CNDP2: variants seen among roughly 807,000 people sequenced by gnomAD.
CNDP2 encodes the protein cytosolic non-specific dipeptidase.
Under a neutral mutation model 55.0 loss-of-function variants are expected in CNDP2, and 38 were observed. That is an observed-to-expected ratio of 0.69 (90% confidence interval 0.53 to 0.90). The LOEUF (loss-of-function observed/expected upper bound fraction) is 0.90. Among genes scored for constraint, CNDP2 ranks in the 40% least tolerant of loss-of-function variants. CNDP2 has a pLI of 0.00. For missense variants in CNDP2, 607 were observed against 621.7 expected, an observed-to-expected ratio of 0.98 and a Z score of 0.25; for synonymous variants, 241 against 260.2, an observed-to-expected ratio of 0.93 and a Z score of 0.71.
intron 1 of CNDP2, among the ~76,000 whole-genome samples, chr18:74,497,201 C>G (rs1239979705): frequency 6.6e-6 from 1 of 152,182 alleles, no homozygotes; most frequent in Non-Finnish European, 1.5e-5. Context: ...AACCCGGGGC[C>G]TGCTACCAAT....
Position 74,521,017 on chromosome 18 carries a change from A to G in CNDP2, c.*949A>G, listed in dbSNP as rs890335. ...TCTCAAGACCTTCACCATTACTGGC[A>G]TTTTCCTGTCTTCTCTTTAGTATGA... On this transcript the variant is annotated 3_prime_UTR_variant, in exon 12 of 12. Coordinates refer to ENST00000324262, the MANE Select transcript of CNDP2 (RefSeq NM_018235.3). 145,211 of 152,198 alleles carry G rather than the reference A, an allele frequency of 0.95. 69,615 individuals carry two copies. Among genetic ancestry groups the G allele is most frequent in the South Asian group, 1 (4,824 of 4,826 alleles). 9.4% of individuals were successfully genotyped at this position (152,198 alleles called of 1,614,324 possible). A position where few individuals can be genotyped will look rare whatever the true frequency, so the allele number is the denominator to read the frequency against.
chr18:74,500,103 A>G, intron 2 of CNDP2, 70 bp downstream of exon 2: 1 of 1,307,042 alleles, frequency 7.7e-7, no homozygotes, highest in Admixed American at 1.8e-5. Context: ...GAAGTTGTCA[A>G]GAGCTAATAT....
chr18:74,513,100 C>T (rs1599068744), intron 7 of CNDP2, among the ~76,000 whole-genome samples: 1 of 152,242 alleles, frequency 6.6e-6, no homozygotes, highest in African/African-American at 2.4e-5. Flanking sequence ...AGTTTACCCC[C>T]CTCAGCTCAG....
intron 1 of CNDP2, 105 bp downstream of exon 1, chr18:74,496,536 G>T (rs1475784211): frequency 6.6e-6 from 1 of 152,372 alleles, no homozygotes; most frequent in African/African-American, 2.4e-5. Context: ...CCTCATTCGT[G>T]GGGGAGCGTG....
Position 74,520,027 on chromosome 18 carries a change from C to G in CNDP2, c.1387C>G (p.Leu463Val). 6.2e-7 allele frequency: 1 copy of G among 1,614,112 alleles called. No homozygotes were observed. Among genetic ancestry groups the G allele is most frequent in the South Asian group, 1.1e-5 (1 of 91,062 alleles). ...RYNYIEGTKM[L>V]AAYLYEVSQL... ...TAACTACATAGAGGGAACCAAGATG[C>G]TGGCCGCGTACCTGTATGAGGTCTC... The change falls in exon 12 of 12, where the codon CTG becomes GTG. Residue 463 changes from leucine (L) to valine (V), a missense_variant. Transcript: ENST00000324262.
intron 1 of CNDP2, chr18:74,499,201 A>G (rs951626633): frequency 3.3e-5 from 5 of 152,226 alleles, no homozygotes; most frequent in African/African-American, 1.2e-4. Flanking sequence ...CGGAAAGCCA[A>G]TTATAAAAGT....
rs567507649 is a variant in CNDP2, at chr18:74,498,988, C to T, written c.-92-894C>T. ...CGCTTGGTGTCGTGGTGGATAAAGT[C>T]ACCTCTCTGTTGAGAAATCACTTTG... On this transcript the variant is annotated intron_variant, in intron 1 of 11. Transcript: ENST00000324262. Among the ~76,000 whole-genome samples the T allele has an allele frequency of 1.4e-3, 213 of 152,324 alleles. 1 individual carries two copies. Among genetic ancestry groups the T allele is most frequent in the African/African-American group, 5.0e-3 (208 of 41,580 alleles).
intron 1 of CNDP2, chr18:74,497,872 A>G (rs1978493102): frequency 6.6e-6 from 1 of 152,172 alleles, no homozygotes; most frequent in Non-Finnish European, 1.5e-5. Flanking sequence ...CTTTTGCTTA[A>G]ATCAGCATAC....
chr18:74,513,837 C>A, intron 8 of CNDP2, 118 bp downstream of exon 8: 2 of 1,041,104 alleles, frequency 1.9e-6, no homozygotes, highest in African/African-American at 1.6e-5. Flanking sequence ...CTGGAATGTC[C>A]GATGCACATG....
At chr18:74,518,888 G>C (rs761155018) in intron 10 of CNDP2, 61 bp from the exon 11 acceptor site, 45 of 1,605,938 alleles carry the variant, frequency 2.8e-5, no homozygotes, top group Non-Finnish European at 3.7e-5. Flanking sequence ...AGTGGTCTGA[G>C]ACAGATCCCC....
chr18:74,515,401 G>A (rs926894318), intron 8 of CNDP2, among the ~76,000 whole-genome samples: 5 of 152,224 alleles, frequency 3.3e-5, no homozygotes, highest in Non-Finnish European at 7.3e-5. Flanking sequence ...GGCACGGGGA[G>A]GAGCGGGCCT....
At position 74,520,206 on chromosome 18, in the gene CNDP2, A is replaced by G. The variant is rs1362274206; in HGVS notation, c.*138A>G. ...TCATCCATGACTTTAGAGAACAGAC[A>G]CAAGTGTATCCAGCTGTCCACGGGT... On this transcript the variant is annotated 3_prime_UTR_variant, in exon 12 of 12. Transcript: ENST00000324262. The G allele has an allele frequency of 1.3e-6, 1 of 780,740 alleles. No homozygotes were observed. The highest frequency in any genetic ancestry group is 1.7e-5 in the South Asian group (1 of 60,136). The allele number at this position is 780,740 out of a possible 1,614,324, so 48.4% of individuals were successfully genotyped here. A position where few individuals can be genotyped will look rare whatever the true frequency, so the allele number is the denominator to read the frequency against.
chr18:74,516,982 TA>T (rs1979709113), intron 9 of CNDP2: 1 of 44,814 alleles, frequency 2.2e-5, no homozygotes, highest in South Asian at 7.4e-4. Context: ...ACAGACGCGG[TA>T]GCTTACGTGG....
chr18:74,499,861 G>A (rs1366396221), intron 1 of CNDP2, 21 bp from the exon 2 acceptor site: 3 of 880,348 alleles, frequency 3.4e-6, no homozygotes, highest in East Asian at 5.2e-5. Flanking sequence ...TTACAATTCT[G>A]AACACGTGCT....
chr18:74,498,598 T>G (rs1978527656), intron 1 of CNDP2, among the ~76,000 whole-genome samples: 1 of 152,220 alleles, frequency 6.6e-6, no homozygotes, highest in Non-Finnish European at 1.5e-5. Context: ...AATCACCACA[T>G]GTAGCATATT....
rs770226454 is a variant in CNDP2, at chr18:74,505,926, G to A, written c.282G>A (p.Val94=). ...RLGSDPQKKT[V]CIYGHLDVQP... is the part of the protein sequence containing the mutation. ...GCTCCGACCCACAGAAGAAGACCGT[G>A]TGCATTTACGGGCACCTGGATGTGC... The change falls in exon 4 of 12, where the codon GTG becomes GTA. Residue 94 remains valine, a synonymous_variant. Transcript: ENST00000324262. 29 of 1,612,422 alleles carry A rather than the reference G, an allele frequency of 1.8e-5. No homozygotes were observed. The highest frequency in any genetic ancestry group is 2.2e-5 in the East Asian group (1 of 44,786).
At chr18:74,508,027 T>C (rs551647203) in intron 4 of CNDP2, 1 of 152,380 alleles carries the variant, frequency 6.6e-6, no homozygotes, top group Admixed American at 6.5e-5. Flanking sequence ...AGCCTCATAC[T>C]ACCTTGGGCT....
intron 5 of CNDP2, chr18:74,509,186 G>T: frequency 2.2e-6 from 1 of 463,476 alleles, no homozygotes; most frequent in Non-Finnish European, 3.9e-6. Flanking sequence ...TTTTGCCACC[G>T]CATGAAATGT....
intron 8 of CNDP2, among the ~76,000 whole-genome samples, chr18:74,514,193 C>A (rs1285245648): frequency 6.8e-6 from 1 of 146,502 alleles, no homozygotes; most frequent in Non-Finnish European, 1.5e-5. Context: ...ATAGATGTAA[C>A]TTCTGCGGGC....
Sources: allele counts gnomAD v4.1 joint callset (sites outside exome capture counted in the v4.1 genomes callset), GRCh38; gene constraint gnomAD v4.1.1; transcripts MANE v1.5; gene names NCBI Gene and HGNC (gene_info 2026-07-23, HGNC 2026-07-21).